The following CAMKMT variants were observed in gnomAD, a reference collection of about 807,000 sequenced individuals.
CAMKMT encodes CaM KMT.
Under a neutral mutation model 48.0 loss-of-function variants are expected in CAMKMT, and 53 were observed. The ratio of observed to expected loss-of-function variants is 1.10; its 90% CI spans 0.89 to 1.39. CAMKMT has a LOEUF of 1.39. Ranked by LOEUF, CAMKMT falls within the 40% of genes most tolerant of loss-of-function variation. The probability of loss-of-function intolerance (pLI) is 0.00; values close to 1 mark genes in which losing one functional copy is unlikely to be tolerated. For synonymous variants in CAMKMT, 165 were observed against 152.3 expected, an observed-to-expected ratio of 1.08 and a Z score of -0.61; for missense variants, 428 against 402.7, an observed-to-expected ratio of 1.06 and a Z score of -0.54.
At chr2:44,372,994 A>G in intron 2 of CAMKMT, 106 bp downstream of exon 2, 1 of 1,066,808 alleles carries the variant, frequency 9.4e-7, no homozygotes, top group Non-Finnish European at 1.3e-6. Flanking sequence ...TTTACGGGCA[A>G]TCTTTTTCAG....
At chr2:44,365,172 C>T (rs890167453) in intron 1 of CAMKMT, among the ~76,000 whole-genome samples, 2 of 152,158 alleles carry the variant, frequency 1.3e-5, no homozygotes, top group Non-Finnish European at 2.9e-5. Context: ...CTCCTTTTCT[C>T]GCTCGTGGGA....
intron 3 of CAMKMT, among the ~76,000 whole-genome samples, chr2:44,425,894 C>T (rs554992736): frequency 1.4e-4 from 22 of 152,228 alleles, no homozygotes; most frequent in Admixed American, 7.2e-4. Context: ...CCATATCTGG[C>T]TAATTTTTGT....
chr2:44,667,436 T>C (rs1326933883), intron 3 of CAMKMT, among the ~76,000 whole-genome samples: 1 of 152,202 alleles, frequency 6.6e-6, no homozygotes, highest in Non-Finnish European at 1.5e-5. Flanking sequence ...ACATTTCTCC[T>C]GTCTCAAGAA....
chr2:44,642,943 T>G (rs1673526818), intron 3 of CAMKMT, among the ~76,000 whole-genome samples: 1 of 152,188 alleles, frequency 6.6e-6, no homozygotes, highest in Non-Finnish European at 1.5e-5. Flanking sequence ...GCTGTGTTTA[T>G]GGCATGGTTG....
At chr2:44,482,450 T>C (rs1396008139) in intron 3 of CAMKMT, among the ~76,000 whole-genome samples, 2 of 152,122 alleles carry the variant, frequency 1.3e-5, no homozygotes, top group East Asian at 3.8e-4. Flanking sequence ...GAGTCTTGCT[T>C]ATGGGGAAAA....
chr2:44,454,916 G>A (rs1311609596), intron 3 of CAMKMT, among the ~76,000 whole-genome samples: 1 of 152,110 alleles, frequency 6.6e-6, no homozygotes, highest in East Asian at 1.9e-4. Flanking sequence ...TCTAGCAACA[G>A]TACCATCAGT....
chr2:44,550,467 T>A (rs190108020), intron 3 of CAMKMT, among the ~76,000 whole-genome samples: 2 of 152,278 alleles, frequency 1.3e-5, no homozygotes, highest in African/African-American at 2.4e-5. Flanking sequence ...TGCATATATG[T>A]AACATTTCTT....
intron 3 of CAMKMT, chr2:44,676,447 A>G (rs368744746): frequency 3.3e-5 from 5 of 152,194 alleles, no homozygotes; most frequent in Admixed American, 2.0e-4. Context: ...TCACACTCCT[A>G]TTGTTGTTAA....
At chr2:44,365,538 G>A (rs984040329) in intron 1 of CAMKMT, among the ~76,000 whole-genome samples, 1 of 152,160 alleles carries the variant, frequency 6.6e-6, no homozygotes, top group African/African-American at 2.4e-5. Context: ...TGGCAACTCC[G>A]GGCTTTCATA....
chr2:44,427,529 G>C (rs1684350169), intron 3 of CAMKMT, among the ~76,000 whole-genome samples: 2 of 152,164 alleles, frequency 1.3e-5, no homozygotes, highest in South Asian at 2.1e-4. Flanking sequence ...CATCCAAGTG[G>C]CCAACAAACA....
chr2:44,663,524 T>A (rs1558779438), intron 3 of CAMKMT, among the ~76,000 whole-genome samples: 1 of 152,234 alleles, frequency 6.6e-6, no homozygotes, highest in African/African-American at 2.4e-5. Flanking sequence ...TAATAACTTT[T>A]AAAAGGTTCA....
At chr2:44,438,185 G>A (rs1666401339) in intron 3 of CAMKMT, among the ~76,000 whole-genome samples, 4 of 152,142 alleles carry the variant, frequency 2.6e-5, no homozygotes, top group Non-Finnish European at 4.4e-5. Flanking sequence ...TTGAACTCAG[G>A]CAGGCTAGCT....
At chr2:44,467,781 GT>G (rs1193563683) in intron 3 of CAMKMT, among the ~76,000 whole-genome samples, 1 of 152,094 alleles carries the variant, frequency 6.6e-6, no homozygotes, top group Non-Finnish European at 1.5e-5. Flanking sequence ...GTAAATAGTG[GT>G]GGGAAAACTG....
chr2:44,768,152 C>G (rs967528970), intron 10 of CAMKMT, among the ~76,000 whole-genome samples: 5 of 152,026 alleles, frequency 3.3e-5, no homozygotes, highest in Non-Finnish European at 4.4e-5. Context: ...AAGTGAAGCA[C>G]ATAAATAAGT....
At chr2:44,499,281 G>A (rs897814439) in intron 3 of CAMKMT, among the ~76,000 whole-genome samples, 1 of 152,268 alleles carries the variant, frequency 6.6e-6, no homozygotes. Context: ...AATGTTTCTA[G>A]CACTGCATAT....
At chr2:44,672,624 A>G (rs769897549) in intron 3 of CAMKMT, among the ~76,000 whole-genome samples, 5 of 152,168 alleles carry the variant, frequency 3.3e-5, no homozygotes, top group Non-Finnish European at 5.9e-5. Context: ...GCCAGAGACT[A>G]TGCCCCGGGA....
At chr2:44,584,407 C>T (rs1424880645) in intron 3 of CAMKMT, among the ~76,000 whole-genome samples, 1 of 152,158 alleles carries the variant, frequency 6.6e-6, no homozygotes, top group East Asian at 1.9e-4. Context: ...TGTTGGCCCA[C>T]ACTGAAGTAA....
intron 3 of CAMKMT, among the ~76,000 whole-genome samples, chr2:44,609,959 G>A (rs562158528): frequency 1.2e-4 from 18 of 152,280 alleles, no homozygotes; most frequent in African/African-American, 2.9e-4. Context: ...CAAAGTTGCT[G>A]TATAAAGTTG....
At chr2:44,614,170 A>G (rs944765082) in intron 3 of CAMKMT, among the ~76,000 whole-genome samples, 6 of 152,238 alleles carry the variant, frequency 3.9e-5, no homozygotes, top group African/African-American at 1.4e-4. Context: ...CTAGATATTG[A>G]AAGTGAAAAA....
Sources: gnomAD v4.1 joint callset for allele counts (sites outside exome capture counted in the v4.1 genomes callset) on GRCh38, gnomAD v4.1.1 for gene constraint, MANE v1.5 for transcripts, NCBI Gene and HGNC (gene_info 2026-07-23, HGNC 2026-07-21) for gene names.